The following ATP8A2 variants were observed in gnomAD, a reference collection of about 807,000 sequenced individuals.
The protein encoded by ATP8A2 is ATPase phospholipid transporting 8A2.
Under a neutral mutation model 165.6 loss-of-function variants are expected in ATP8A2, and 100 were observed. That is an observed-to-expected ratio of 0.60 (90% CI 0.51 to 0.71). The LOEUF (loss-of-function observed/expected upper bound fraction) is 0.71, where lower values mean the gene tolerates loss of function less well. Ranked by LOEUF, ATP8A2 falls within the 30% of genes least tolerant of loss-of-function variation. ATP8A2 has a pLI of 0.00. For synonymous variants in ATP8A2, 543 were observed against 548.8 expected (o/e 0.99, Z 0.15); for missense variants, 1,227 against 1,479.5 (o/e 0.83, Z 2.80).
At chr13:25,770,895 C>T (rs1389743061) in intron 26 of ATP8A2, among the ~76,000 whole-genome samples, 3 of 152,222 alleles carry the variant, frequency 2.0e-5, no homozygotes, top group Non-Finnish European at 4.4e-5. Context: ...ACCCCTTCAA[C>T]CTGAAATCAG....
intron 16 of ATP8A2, among the ~76,000 whole-genome samples, chr13:25,566,580 G>A (rs147010754): frequency 1.3e-3 from 193 of 152,288 alleles, no homozygotes; most frequent in African/African-American, 4.1e-3. Flanking sequence ...TCTTGGTCCA[G>A]TTTCACGAGC....
At chr13:25,395,040 C>T (rs899817411) in intron 1 of ATP8A2, among the ~76,000 whole-genome samples, 4 of 152,204 alleles carry the variant, frequency 2.6e-5, no homozygotes, top group African/African-American at 9.6e-5. Context: ...CTATGTACTT[C>T]TTTGGGTCTC....
intron 1 of ATP8A2, among the ~76,000 whole-genome samples, chr13:25,443,270 T>C (rs1432364634): frequency 6.6e-6 from 1 of 152,200 alleles, no homozygotes; most frequent in African/African-American, 2.4e-5. Context: ...TAATCTTCAC[T>C]TCAGATGGAA....
chr13:25,378,050 T>C (rs557697818), intron 1 of ATP8A2, among the ~76,000 whole-genome samples: 132 of 151,984 alleles, frequency 8.7e-4, no homozygotes, highest in Non-Finnish European at 1.6e-3. Context: ...CCCAGGAATT[T>C]GAGGCTGCAA....
At chr13:25,475,053 C>T (rs1392419714) in intron 2 of ATP8A2, among the ~76,000 whole-genome samples, 1 of 152,046 alleles carries the variant, frequency 6.6e-6, no homozygotes, top group East Asian at 1.9e-4. Context: ...CTCCTGACCT[C>T]AGGTGATCCA....
At chr13:25,771,829 C>T (rs2044626239) in intron 26 of ATP8A2, among the ~76,000 whole-genome samples, 2 of 152,324 alleles carry the variant, frequency 1.3e-5, no homozygotes, top group South Asian at 2.1e-4. Context: ...CTACCTTAGT[C>T]ACCATGCCAG....
chr13:25,391,128 T>C (rs2033230558), intron 1 of ATP8A2, among the ~76,000 whole-genome samples: 1 of 152,112 alleles, frequency 6.6e-6, no homozygotes, highest in African/African-American at 2.4e-5. Flanking sequence ...TAAAATGGCA[T>C]AAGGCAGAAC....
At chr13:25,474,573 A>G (rs1034481482) in intron 2 of ATP8A2, among the ~76,000 whole-genome samples, 7 of 151,964 alleles carry the variant, frequency 4.6e-5, no homozygotes, top group Non-Finnish European at 8.8e-5. Context: ...AAAAAAAGAA[A>G]AAAAAAAAAA....
At chr13:25,465,146 T>C (rs553693624) in intron 1 of ATP8A2, among the ~76,000 whole-genome samples, 43 of 152,380 alleles carry the variant, frequency 2.8e-4, no homozygotes, top group Admixed American at 2.2e-3. Flanking sequence ...GCAAAATGCA[T>C]TAACTCAGAA....
At chr13:25,620,844 A>T (rs1210186908) in intron 24 of ATP8A2, among the ~76,000 whole-genome samples, 1 of 152,240 alleles carries the variant, frequency 6.6e-6, no homozygotes, top group East Asian at 1.9e-4. Context: ...GGGGAAGTGG[A>T]GATCAATGAA....
At chr13:25,976,557 G>T (rs1440464810) in intron 35 of ATP8A2, among the ~76,000 whole-genome samples, 1 of 152,030 alleles carries the variant, frequency 6.6e-6, no homozygotes, top group Non-Finnish European at 1.5e-5. Flanking sequence ...CTTCTAGCAT[G>T]GTCTGATGAA....
chr13:25,698,469 G>T (rs2042882502), intron 24 of ATP8A2, among the ~76,000 whole-genome samples: 1 of 152,086 alleles, frequency 6.6e-6, no homozygotes, highest in Non-Finnish European at 1.5e-5. Flanking sequence ...CTGGGCTCAA[G>T]CAGTCCCTCC....
chr13:25,553,974 T>G, intron 12 of ATP8A2, 54 bp downstream of exon 12: 1 of 1,565,506 alleles, frequency 6.4e-7, no homozygotes, highest in East Asian at 2.2e-5. Context: ...TTCAGAGCCT[T>G]TGGCATTTAA....
At chr13:25,518,718 C>T (rs999132357) in intron 2 of ATP8A2, among the ~76,000 whole-genome samples, 7 of 152,326 alleles carry the variant, frequency 4.6e-5, no homozygotes, top group African/African-American at 1.7e-4. Flanking sequence ...TTCTGGAGGT[C>T]AGACTCCTGT....
intron 25 of ATP8A2, among the ~76,000 whole-genome samples, chr13:25,716,978 C>T (rs143511974): frequency 2.7e-4 from 41 of 152,122 alleles, no homozygotes; most frequent in Non-Finnish European, 5.1e-4. Flanking sequence ...CCAAACATAC[C>T]GACTCAGAGG....
intron 24 of ATP8A2, among the ~76,000 whole-genome samples, chr13:25,654,143 A>G (rs1174111219): frequency 1.3e-5 from 2 of 152,200 alleles, no homozygotes; most frequent in Non-Finnish European, 2.9e-5. Flanking sequence ...TTGCTCATTC[A>G]TAGAATACCT....
chr13:25,923,159 C>T (rs944301409), intron 33 of ATP8A2, among the ~76,000 whole-genome samples: 2 of 152,148 alleles, frequency 1.3e-5, no homozygotes, highest in East Asian at 3.8e-4. Flanking sequence ...AAAAGGATTG[C>T]AATTATCATA....
intron 24 of ATP8A2, among the ~76,000 whole-genome samples, chr13:25,671,345 G>T (rs1358072218): frequency 6.6e-6 from 1 of 152,094 alleles, no homozygotes; most frequent in Non-Finnish European, 1.5e-5. Flanking sequence ...TATGAAATCT[G>T]GGCACCTTGA....
intron 36 of ATP8A2, among the ~76,000 whole-genome samples, chr13:26,016,214 A>G (rs1956969163): frequency 6.6e-6 from 1 of 152,250 alleles, no homozygotes; most frequent in Admixed American, 6.5e-5. Flanking sequence ...TTAGCGTACA[A>G]CACGCTGGAA....
Sources: allele counts gnomAD v4.1 joint callset (sites outside exome capture counted in the v4.1 genomes callset), GRCh38; gene constraint gnomAD v4.1.1; transcripts MANE v1.5; gene names NCBI Gene and HGNC (gene_info 2026-07-23, HGNC 2026-07-21).